Variants in DUSP3 observed in about 807,000 individuals in gnomAD.
The protein encoded by DUSP3 is dual specificity protein phosphatase 3.
A neutral mutation model predicts 15.5 loss-of-function variants in DUSP3; 7 were observed. The ratio of observed to expected loss-of-function variants is 0.45; its 90% CI spans 0.26 to 0.85. The LOEUF is 0.85. DUSP3 is among the 40% of genes least tolerant of loss of function. The probability of loss-of-function intolerance (pLI) is 0.18; values close to 1 mark genes in which losing one functional copy is unlikely to be tolerated. For synonymous variants in DUSP3, 86 were observed against 104.2 expected (o/e 0.83, Z 1.07); for missense variants, 209 against 251.7 (o/e 0.83, Z 1.15).
chr17:43,778,751 G>C (rs1165700118), intron 1 of DUSP3, 49 bp downstream of exon 1: 1 of 1,471,086 alleles, frequency 6.8e-7, no homozygotes, highest in East Asian at 2.9e-5. Context: ...TCGGGTGGGC[G>C]GGGCGTCCCG....
intron 1 of DUSP3, among the ~76,000 whole-genome samples, chr17:43,776,525 G>A (rs1234772222): frequency 1.3e-5 from 2 of 152,254 alleles, no homozygotes; most frequent in Non-Finnish European, 2.9e-5. Flanking sequence ...TTGTGAGGAC[G>A]TGGCTGCGGC....
rs148887948 is a variant in DUSP3 at position 43,773,825 on chromosome 17, C to T, written c.352+887G>A. The T allele has an allele frequency of 3.9e-3, 613 of 155,374 alleles. 7 individuals carry two copies. The highest frequency in any genetic ancestry group is 9.4e-3 in the African/African-American group (389 of 41,500). 9.6% of individuals were successfully genotyped at this position (155,374 alleles called of 1,614,324 possible). The stretch of plus-strand genomic sequence containing the variant: ...AAAAAAGAGAGAGAGAGTGGCCAGG[C>T]GCGGTGGCTCATGCCTGTAATCCCA... On this transcript the variant is annotated intron_variant, in intron 2 of 2. Coordinates refer to ENST00000226004, the MANE Select transcript of DUSP3 (RefSeq NM_004090.4).
intron 1 of DUSP3, among the ~76,000 whole-genome samples, chr17:43,776,408 C>T (rs918041322): frequency 6.6e-6 from 1 of 152,262 alleles, no homozygotes; most frequent in Non-Finnish European, 1.5e-5. Flanking sequence ...TTTCTCCCGA[C>T]ATCCAGCCCT....
intron 1 of DUSP3, among the ~76,000 whole-genome samples, chr17:43,776,384 G>A (rs919149076): frequency 1.1e-4 from 17 of 152,232 alleles, no homozygotes; most frequent in African/African-American, 3.9e-4. Flanking sequence ...TGGCAGATCT[G>A]GGAGAAGACC....
In DUSP3 at chr17:43,766,951, G is replaced by C. The variant is rs149315121; in HGVS notation, c.*2658C>G. 6.6e-6 allele frequency: 1 copy of C among 152,424 alleles called. No homozygotes were observed. Among genetic ancestry groups the C allele is most frequent in the Non-Finnish European group, 1.5e-5 (1 of 68,026 alleles). 9.4% of individuals were successfully genotyped at this position (152,424 alleles called of 1,614,324 possible). On this transcript the variant is annotated 3_prime_UTR_variant, in exon 3 of 3. Transcript: ENST00000226004. The stretch of plus-strand genomic sequence containing the variant: ...TCCCAGGCAGTAGAAGGCTGTCCAG[G>C]AACAGCTCCCATCCGCAGCTGGGCA...
At chr17:43,770,514 G>C (rs2154590626) in intron 2 of DUSP3, among the ~76,000 whole-genome samples, 1 of 152,114 alleles carries the variant, frequency 6.6e-6, no homozygotes, top group East Asian at 1.9e-4. Context: ...AAAAATAGCT[G>C]GGTGTGGTGG....
chr17:43,774,963 T>C (rs1254150919), intron 1 of DUSP3, 25 bp from the exon 2 acceptor site: 2 of 1,611,686 alleles, frequency 1.2e-6, no homozygotes, highest in South Asian at 2.2e-5. Context: ...GTGGTGGGGA[T>C]GATTAACCAA....
intron 1 of DUSP3, 44 bp downstream of exon 1, chr17:43,778,756 G>A (rs1470298415): frequency 1.4e-6 from 2 of 1,480,036 alleles, no homozygotes; most frequent in South Asian, 1.3e-5. Context: ...TGGGCGGGGC[G>A]TCCCGAGAGG....
chr17:43,771,433 A>G (rs920757722), intron 2 of DUSP3, among the ~76,000 whole-genome samples: 3 of 152,110 alleles, frequency 2.0e-5, no homozygotes, highest in African/African-American at 4.8e-5. Context: ...GAGAATCCTG[A>G]CCAATACACT....
At chr17:43,774,236 G>A in intron 2 of DUSP3, 1 of 269,344 alleles carries the variant, frequency 3.7e-6, no homozygotes, top group Non-Finnish European at 7.2e-6. Context: ...ATCCCATCTT[G>A]GGACCATGAC....
chr17:43,771,022 ATGTGTGTG>A (rs965394405), intron 2 of DUSP3, among the ~76,000 whole-genome samples: 40 of 107,710 alleles, frequency 3.7e-4, no homozygotes, highest in Non-Finnish European at 1.4e-4. Flanking sequence ...GTGTGTGTGT[ATGTGTGTG>A]TATATATATA....
chr17:43,774,599 A>G, intron 2 of DUSP3, 113 bp downstream of exon 2: 2 of 1,198,924 alleles, frequency 1.7e-6, no homozygotes, highest in Non-Finnish European at 2.4e-6. Flanking sequence ...CGTTCACCCC[A>G]GAAGATGGGA....
Position 43,774,744 on chromosome 17 carries a change from T to C in DUSP3, c.320A>G (p.Asp107Gly), listed in dbSNP as rs761184365. 7 of 1,614,072 alleles carry C rather than the reference T, an allele frequency of 4.3e-6. No individual in the cohort carries two copies. In the Admixed American group the frequency reaches 8.3e-5, roughly 19 times the overall value. ...NLSAYFERAA[D>G]FIDQALAQKN... ...TTGAGCCAAAGCCTGGTCAATGAAG[T>C]CGGCAGCCCTTTCAAAGTAAGCGCT... Residue 107 changes from aspartate to glycine, a missense_variant, in exon 2 of 3, where the codon GAC becomes GGC. Transcript: ENST00000226004.
Position 43,769,653 on chromosome 17 carries a change from G to A in DUSP3, c.514C>T (p.Gln172Ter). ...PNDGFLAQLC[Q>*]LNDRLAKEGK... ...TCCTTGGCTAGTCTGTCATTGAGCT[G>A]GCAGAGCTGGGCCAGGAAGCCATCG... The change falls in exon 3 of 3, where the codon CAG (glutamine) becomes TAG (stop). Residue 172 changes from glutamine (Q) to a stop codon, truncating the protein, a stop_gained. Coordinates refer to ENST00000226004, the MANE Select transcript of DUSP3 (RefSeq NM_004090.4). LOFTEE classifies it high-confidence loss of function. 6.2e-7 allele frequency: 1 copy of A among 1,612,932 alleles called. No homozygotes were observed. The highest frequency in any genetic ancestry group is 8.5e-7 in the Non-Finnish European group (1 of 1,179,950).
At chr17:43,777,497 G>A (rs1974403928) in intron 1 of DUSP3, 1 of 455,808 alleles carries the variant, frequency 2.2e-6, no homozygotes, top group Non-Finnish European at 4.4e-6. Context: ...AGGCTAAACA[G>A]CAGGTCATAG....
chr17:43,769,549 G>C lies in DUSP3; in HGVS notation c.*60C>G. The C allele has an allele frequency of 6.3e-7, 1 of 1,589,222 alleles. No homozygotes were observed. Among genetic ancestry groups the C allele is most frequent in the East Asian group, 2.2e-5 (1 of 44,690 alleles). ...GTGTGTTTCCTAAACATGGCAGCTC[G>C]GGACACCTTTGCCCACGGCCTCCCC... On this transcript the variant is annotated 3_prime_UTR_variant, in exon 3 of 3. Transcript: ENST00000226004.
chr17:43,771,016 GTGTGTA>G (rs1349950298), intron 2 of DUSP3, among the ~76,000 whole-genome samples: 79 of 102,486 alleles, frequency 7.7e-4, no homozygotes, highest in East Asian at 2.4e-3. Context: ...GTGTGTGTGT[GTGTGTA>G]TGTGTGTGTA....
intron 1 of DUSP3, among the ~76,000 whole-genome samples, chr17:43,775,783 G>A (rs191829865): frequency 2.6e-5 from 4 of 152,310 alleles, no homozygotes; most frequent in Admixed American, 2.0e-4. Flanking sequence ...TACTTGGGGA[G>A]TAAGTGGCCC....
At chr17:43,769,848 G>C in intron 2 of DUSP3, 34 bp from the exon 3 acceptor site, 1 of 1,611,078 alleles carries the variant, frequency 6.2e-7, no homozygotes, top group Non-Finnish European at 8.5e-7. Flanking sequence ...GTGAGCTGGG[G>C]GCGTCCCATC....
Sources: allele counts gnomAD v4.1 joint callset (sites outside exome capture counted in the v4.1 genomes callset), GRCh38; gene constraint gnomAD v4.1.1; transcripts MANE v1.5; gene names NCBI Gene and HGNC (gene_info 2026-07-23, HGNC 2026-07-21).